The following COG4 variants were observed in gnomAD, a reference collection of about 807,000 sequenced individuals.
COG4 encodes component of oligomeric golgi complex 4, also known as conserved oligomeric Golgi complex subunit 4.
In COG4, 65 loss-of-function variants were observed where a neutral mutation model predicts 95.1. The ratio of observed to expected loss-of-function variants is 0.68; its 90% CI spans 0.56 to 0.84. The LOEUF (loss-of-function observed/expected upper bound fraction) is 0.84, where lower values mean the gene tolerates loss of function less well. COG4 is among the 40% of genes least tolerant of loss of function. The pLI, the probability that COG4 is intolerant of heterozygous loss-of-function variation, is 0.00. For synonymous variants in COG4, 421 were observed against 374.8 expected (o/e 1.12, Z -1.42); for missense variants, 1,045 against 989.1 (o/e 1.06, Z -0.76).
At chr16:70,517,796 A>G (rs1238072546) in intron 2 of COG4, 56 bp from the exon 3 acceptor site, 6 of 1,219,270 alleles carry the variant, frequency 4.9e-6, no homozygotes, top group Non-Finnish European at 7.3e-6. Flanking sequence ...AGAGACAGAA[A>G]CTTTTTTTTG....
intron 13 of COG4, among the ~76,000 whole-genome samples, chr16:70,486,033 C>A (rs543894172): frequency 6.6e-6 from 1 of 151,990 alleles, no homozygotes; most frequent in South Asian, 2.1e-4. Flanking sequence ...GTAGCTGGGA[C>A]TACAGGCGCC....
intron 3 of COG4, chr16:70,515,905 G>C: frequency 2.3e-6 from 1 of 428,340 alleles, no homozygotes; most frequent in Non-Finnish European, 4.7e-6. Context: ...CTGGCCTCAA[G>C]AGATCCTACT....
At chr16:70,513,162 AGAGTAT>A (rs2049747562) in intron 4 of COG4, among the ~76,000 whole-genome samples, 1 of 152,254 alleles carries the variant, frequency 6.6e-6, no homozygotes, top group Non-Finnish European at 1.5e-5. Context: ...GAATATTTGC[AGAGTAT>A]TCCAAGTAGC....
chr16:70,517,669 G>GCAGGCTGGA lies in COG4; in HGVS notation c.325_326insTCCAGCCTG (p.Leu108_Ala109insValGlnPro). The stretch of plus-strand genomic sequence containing the variant: ...ACGAACTTTGCTGGACACATTCTCA[G>GCAGGCTGGA]CCAGGTTGCAGGTAAAGGTGATCAT... On this transcript the variant is annotated inframe_insertion, in exon 3 of 19. Transcript: ENST00000323786. 6.2e-7 allele frequency: 1 copy of GCAGGCTGGA among 1,610,136 alleles called. No homozygotes were observed. Among genetic ancestry groups the GCAGGCTGGA allele is most frequent in the Non-Finnish European group, 8.5e-7 (1 of 1,178,868 alleles).
Position 70,497,355 on chromosome 16 carries a change from C to A in COG4, c.1347G>T (p.Gln449His). Residue 449 changes from glutamine (Q) to histidine (H), a missense_variant, in exon 11 of 19, where the codon CAG (glutamine) becomes CAT (histidine). Transcript: ENST00000323786. ...AVALDTYEKGQLTSSMVDDVF... is the reference protein window; with the variant it reads ...AVALDTYEKGHLTSSMVDDVF... ...CATCATCCACCATGCTGGATGTCAGCTGGCCCTTCTCATAGGTGTCCAGAG... is the reference window on the plus strand; with the variant it reads ...CATCATCCACCATGCTGGATGTCAGATGGCCCTTCTCATAGGTGTCCAGAG... 1 of 1,613,880 alleles carries A rather than the reference C, an allele frequency of 6.2e-7. No individual in the cohort carries two copies. Among genetic ancestry groups the A allele is most frequent in the Non-Finnish European group, 8.5e-7 (1 of 1,180,026 alleles).
chr16:70,505,521 CAT>C (rs978901194), intron 8 of COG4, among the ~76,000 whole-genome samples: 19 of 150,182 alleles, frequency 1.3e-4, no homozygotes, highest in African/African-American at 3.9e-4. Flanking sequence ...CTAAGAAGCA[CAT>C]GTTATTTTTA....
intron 15 of COG4, 105 bp downstream of exon 15, chr16:70,482,624 G>T: frequency 1.1e-6 from 1 of 907,192 alleles, no homozygotes; most frequent in Non-Finnish European, 1.8e-6. Context: ...AAGTGGGCCT[G>T]GGAAGCATGG....
Position 70,523,360 on chromosome 16 carries a change from C to T in COG4, c.171+13G>A. 6.2e-7 allele frequency: 1 copy of T among 1,614,016 alleles called. No homozygotes were observed. Among genetic ancestry groups the T allele is most frequent in the South Asian group, 1.1e-5 (1 of 91,084 alleles). The stretch of plus-strand genomic sequence containing the variant: ...TAGATCCTCCATGAAAAAGAAGAGG[C>T]TCGACCCCGCACCTCCTCGCCGCAG... On this transcript the variant is annotated intron_variant, in intron 1 of 18. Coordinates refer to ENST00000323786, the MANE Select transcript of COG4 (RefSeq NM_015386.3).
At chr16:70,491,140 T>G (rs1220413770) in intron 12 of COG4, among the ~76,000 whole-genome samples, 1 of 152,114 alleles carries the variant, frequency 6.6e-6, no homozygotes, top group Admixed American at 6.6e-5. Flanking sequence ...TCATTCTTTA[T>G]CTCATGGAGT....
intron 8 of COG4, among the ~76,000 whole-genome samples, chr16:70,506,523 G>A (rs1430408760): frequency 1.4e-5 from 2 of 146,026 alleles, no homozygotes; most frequent in Non-Finnish European, 3.0e-5. Context: ...CCTAGCAGGT[G>A]GAGGTTTTGG....
chr16:70,490,906 A>G (rs1197702614), intron 12 of COG4, among the ~76,000 whole-genome samples: 2 of 151,628 alleles, frequency 1.3e-5, no homozygotes, highest in South Asian at 4.2e-4. Context: ...TGATCTGCCC[A>G]CCTCGGCCTC....
In COG4 at chr16:70,482,929, C is replaced by A. The variant is rs1409207830; in HGVS notation, c.1828-108G>T. On this transcript the variant is annotated intron_variant, in intron 14 of 18. Transcript: ENST00000323786. ...TATCCTCTCCCCATCCCTTTCCTCT[C>A]CTCTCCCCATCCCTTCCTTCTCTCC... 6.9e-5 allele frequency: 56 copies of A among 807,300 alleles called. No individual in the cohort carries two copies. In the Admixed American group the frequency reaches 1.1e-3, roughly 16 times the overall value. 50.0% of individuals were successfully genotyped at this position (807,300 alleles called of 1,614,324 possible). A position where few individuals can be genotyped will look rare whatever the true frequency, so the allele number is the denominator to read the frequency against.
At chr16:70,508,929 T>A in intron 7 of COG4, 1 of 541,278 alleles carries the variant, frequency 1.8e-6, no homozygotes, top group Non-Finnish European at 3.4e-6. Flanking sequence ...TGTCATTATA[T>A]CATTAGAGGG....
At position 70,517,587 on chromosome 16, in the gene COG4, CA is replaced by C. The variant is rs746781437; in HGVS notation, c.369+38del. 48,195 of 488,912 alleles carry C rather than the reference CA, an allele frequency of 0.099. 8 individuals are homozygous for C. The highest frequency in any genetic ancestry group is 0.11 in the East Asian group (2,392 of 21,920). The allele number at this position is 488,912 out of a possible 1,614,324, so 30.3% of individuals were successfully genotyped here. ...TAGGTGACAGAGCAAGACCCTGTCT[CA>C]AAAAAAAAAAAAAAAAAAAAAAAGC... On this transcript the variant is annotated intron_variant, in intron 3 of 18. Transcript: ENST00000323786.
At chr16:70,484,066 C>G (rs1005650894) in intron 13 of COG4, 97 bp from the exon 14 acceptor site, 47 of 905,918 alleles carry the variant, frequency 5.2e-5, no homozygotes, top group Non-Finnish European at 8.2e-5. Context: ...CAGCTATGGC[C>G]TGTCAAGAGC....
intron 18 of COG4, 99 bp from the exon 19 acceptor site, chr16:70,481,243 GA>G: frequency 6.2e-7 from 1 of 1,607,100 alleles, no homozygotes; most frequent in East Asian, 2.2e-5. Context: ...CCGGGAAGGG[GA>G]AGGTGTCCTA....
intron 2 of COG4, among the ~76,000 whole-genome samples, chr16:70,519,276 C>T (rs2049886976): frequency 1.1e-5 from 1 of 89,106 alleles, no homozygotes; most frequent in Non-Finnish European, 1.9e-5. Flanking sequence ...TACAGGCGCC[C>T]GCCACCGCGC....
In COG4 at chr16:70,514,350, G is replaced by T; in HGVS notation, c.529C>A (p.Arg177=). 1 of 1,613,988 alleles carries T rather than the reference G, an allele frequency of 6.2e-7. No individual in the cohort carries two copies. The highest frequency in any genetic ancestry group is 8.5e-7 in the Non-Finnish European group (1 of 1,179,988). The change falls in exon 4 of 19, where the codon CGA becomes AGA. Residue 177 remains arginine, a synonymous_variant. Coordinates refer to ENST00000323786, the MANE Select transcript of COG4 (RefSeq NM_015386.3). ...CLDKSVIELS[R]QGKEGSMIDA... The stretch of plus-strand genomic sequence containing the variant: ...GGATGCTGACCCTCTTTGCCCTGTC[G>T]GCTGAGCTCAATGACCGACTTGTCC...
At chr16:70,518,503 C>T (rs1201605644) in intron 2 of COG4, among the ~76,000 whole-genome samples, 8 of 152,148 alleles carry the variant, frequency 5.3e-5, no homozygotes, top group Non-Finnish European at 7.3e-5. Context: ...AGACTACAGG[C>T]GCACACCACC....
Sources: gnomAD v4.1 joint callset for allele counts (sites outside exome capture counted in the v4.1 genomes callset) on GRCh38, gnomAD v4.1.1 for gene constraint, MANE v1.5 for transcripts, NCBI Gene and HGNC (gene_info 2026-07-23, HGNC 2026-07-21) for gene names.